Variants in SMIM31 observed in about 807,000 individuals in gnomAD.
The protein encoded by SMIM31 is human epithelial cell program regulator.
rs1441871435 is a variant in SMIM31 at position 164,802,837 on chromosome 4, A to G, written c.*1643A>G. On this transcript the variant is annotated 3_prime_UTR_variant, in exon 3 of 3. Transcript: ENST00000507311. The stretch of plus-strand genomic sequence containing the variant: ...ACCAAGTAGTCACCCAGGTCAGAGT[A>G]CTAAACATTTAAAAGGGCTCACTAA... 1.3e-5 allele frequency: 2 copies of G among 152,262 alleles called. No homozygotes were observed. Among genetic ancestry groups the G allele is most frequent in the Non-Finnish European group, 2.9e-5 (2 of 68,060 alleles). 9.4% of individuals were successfully genotyped at this position (152,262 alleles called of 1,614,324 possible).
intron 2 of SMIM31, among the ~76,000 whole-genome samples, chr4:164,796,285 C>G (rs1185682893): frequency 1.3e-5 from 2 of 152,168 alleles, no homozygotes; most frequent in Non-Finnish European, 2.9e-5. Flanking sequence ...GAAAATGTTA[C>G]TGCGGTGATG....
At chr4:164,768,900 T>C (rs1732756822) in intron 1 of SMIM31, among the ~76,000 whole-genome samples, 1 of 152,226 alleles carries the variant, frequency 6.6e-6, no homozygotes, top group Admixed American at 6.5e-5. Flanking sequence ...TGGCCGAATA[T>C]GTCAGAGTGC....
intron 2 of SMIM31, among the ~76,000 whole-genome samples, chr4:164,771,960 T>C (rs1427423168): frequency 1.3e-5 from 2 of 152,234 alleles, no homozygotes; most frequent in African/African-American, 4.8e-5. Context: ...TTTAGTACAC[T>C]GTTTACTGAC....
At chr4:164,780,393 C>G (rs1194012662) in intron 2 of SMIM31, among the ~76,000 whole-genome samples, 1 of 152,224 alleles carries the variant, frequency 6.6e-6, no homozygotes, top group Non-Finnish European at 1.5e-5. Flanking sequence ...CGCCACTGCA[C>G]TCCAGCCTGG....
intron 2 of SMIM31, among the ~76,000 whole-genome samples, chr4:164,789,558 T>C (rs909172458): frequency 6.6e-6 from 1 of 152,228 alleles, no homozygotes; most frequent in Non-Finnish European, 1.5e-5. Flanking sequence ...GCATAATTTT[T>C]AGTAATTTAG....
chr4:164,785,418 T>C (rs1354444132), intron 2 of SMIM31, among the ~76,000 whole-genome samples: 1 of 152,090 alleles, frequency 6.6e-6, no homozygotes, highest in Admixed American at 6.6e-5. Flanking sequence ...CATCAAACAT[T>C]AGTAAGATTC....
chr4:164,782,524 G>GC (rs935969099), intron 2 of SMIM31, among the ~76,000 whole-genome samples: 8 of 149,008 alleles, frequency 5.4e-5, no homozygotes, highest in East Asian at 2.0e-4. Context: ...GACTACAGGC[G>GC]CCCCCCACCA....
intron 1 of SMIM31, among the ~76,000 whole-genome samples, chr4:164,766,250 T>C (rs1732719288): frequency 6.6e-6 from 1 of 152,148 alleles, no homozygotes; most frequent in Non-Finnish European, 1.5e-5. Context: ...TCTCAAGTAA[T>C]AGAGTGCTTG....
chr4:164,774,803 T>C (rs1268159073), intron 2 of SMIM31, among the ~76,000 whole-genome samples: 1 of 152,232 alleles, frequency 6.6e-6, no homozygotes, highest in Non-Finnish European at 1.5e-5. Flanking sequence ...GTTTTTTGTT[T>C]TTGTTTTGCT....
intron 2 of SMIM31, among the ~76,000 whole-genome samples, chr4:164,792,696 C>A (rs1380284662): frequency 1.3e-5 from 2 of 152,136 alleles, no homozygotes; most frequent in African/African-American, 2.4e-5. Flanking sequence ...AATCCAAATA[C>A]TATTCAAAGT....
At chr4:164,790,095 C>T (rs1304633566) in intron 2 of SMIM31, among the ~76,000 whole-genome samples, 2 of 152,118 alleles carry the variant, frequency 1.3e-5, no homozygotes, top group African/African-American at 4.8e-5. Context: ...CACATGATTC[C>T]CTAGTTTTTA....
chr4:164,788,478 C>CTTTTTTTTTTT (rs72177805), intron 2 of SMIM31, among the ~76,000 whole-genome samples: 787 of 58,172 alleles, frequency 0.014, 166 homozygotes, highest in Non-Finnish European at 0.019. Flanking sequence ...TCTAATTTTT[C>CTTTTTTTTTTT]TTTTTTTTTT....
At chr4:164,782,955 C>T (rs551872503) in intron 2 of SMIM31, among the ~76,000 whole-genome samples, 1 of 152,166 alleles carries the variant, frequency 6.6e-6, no homozygotes, top group South Asian at 2.1e-4. Flanking sequence ...TGTGGTGGCT[C>T]ACACATGTAA....
At chr4:164,785,253 A>T (rs1054803968) in intron 2 of SMIM31, among the ~76,000 whole-genome samples, 157 of 152,224 alleles carry the variant, frequency 1.0e-3, no homozygotes, top group Non-Finnish European at 1.9e-3. Context: ...AATAAAAAAA[A>T]AATCTTGTAA....
At chr4:164,798,257 G>A (rs182692817) in intron 2 of SMIM31, among the ~76,000 whole-genome samples, 10 of 148,218 alleles carry the variant, frequency 6.7e-5, no homozygotes, top group African/African-American at 1.0e-4. Flanking sequence ...TTTTTGAGAC[G>A]GAGTCTCGCT....
chr4:164,761,945 A>ATAAATAAT (rs1732656149), intron 1 of SMIM31, among the ~76,000 whole-genome samples: 1 of 151,592 alleles, frequency 6.6e-6, no homozygotes, highest in African/African-American at 2.4e-5. Flanking sequence ...AAATAAATAA[A>ATAAATAAT]TAAATAAATA....
At chr4:164,769,049 G>T (rs149433805) in intron 1 of SMIM31, among the ~76,000 whole-genome samples, 375 of 151,968 alleles carry the variant, frequency 2.5e-3, no homozygotes, top group African/African-American at 8.7e-3. Context: ...TTTAATGTTG[G>T]GGCACCCTCT....
At chr4:164,784,224 T>C (rs570228258) in intron 2 of SMIM31, among the ~76,000 whole-genome samples, 47 of 152,278 alleles carry the variant, frequency 3.1e-4, no homozygotes, top group African/African-American at 1.0e-3. Flanking sequence ...AATATATGAT[T>C]AAGGGGACAA....
At chr4:164,795,743 A>G (rs1385858901) in intron 2 of SMIM31, among the ~76,000 whole-genome samples, 1 of 152,182 alleles carries the variant, frequency 6.6e-6, no homozygotes, top group Non-Finnish European at 1.5e-5. Flanking sequence ...AAGGCCTGCC[A>G]TGTTGTAAGA....
Sources: gnomAD v4.1 joint callset for allele counts (sites outside exome capture counted in the v4.1 genomes callset) on GRCh38, gnomAD v4.1.1 for gene constraint, MANE v1.5 for transcripts, NCBI Gene and HGNC (gene_info 2026-07-23, HGNC 2026-07-21) for gene names.